SLIT3: variants seen among roughly 807,000 people sequenced by gnomAD.
The protein encoded by SLIT3 is slit homolog 3 protein.
A neutral mutation model predicts 184.0 loss-of-function variants in SLIT3; 68 were observed. The observed-to-expected ratio is 0.37, with a 90% confidence interval of 0.30 to 0.45. SLIT3 has a LOEUF of 0.45. Among genes scored for constraint, SLIT3 ranks in the 20% least tolerant of loss-of-function variants. The pLI is 1.00. For synonymous variants in SLIT3, 831 were observed against 828.6 expected, an observed-to-expected ratio of 1.00 and a Z score of -0.05; for missense variants, 1,707 against 2,026.0, an observed-to-expected ratio of 0.84 and a Z score of 3.02.
chr5:169,259,225 A>C (rs1766079626), intron 1 of SLIT3, among the ~76,000 whole-genome samples: 1 of 151,594 alleles, frequency 6.6e-6, no homozygotes, highest in Non-Finnish European at 1.5e-5. Flanking sequence ...CATCTGGCTA[A>C]TTTTTGTATT....
At chr5:168,803,537 G>A (rs1358531307) in intron 9 of SLIT3, among the ~76,000 whole-genome samples, 4 of 152,198 alleles carry the variant, frequency 2.6e-5, no homozygotes, top group Non-Finnish European at 4.4e-5. Flanking sequence ...TCTGTCTCCT[G>A]GAGAGCTGAG....
chr5:169,193,251 C>T (rs1343146216), intron 4 of SLIT3, among the ~76,000 whole-genome samples: 2 of 152,212 alleles, frequency 1.3e-5, no homozygotes. Flanking sequence ...CCACACATCA[C>T]TAGTCCTCAC....
At position 168,785,787 on chromosome 5, in the gene SLIT3, A is replaced by AT. The variant is rs1336383410; in HGVS notation, c.1151+119dup. 1.1e-5 allele frequency: 8 copies of AT among 737,046 alleles called. No homozygotes were observed. In the African/African-American group the frequency reaches 1.2e-4, roughly 11 times the overall value. 45.7% of individuals were successfully genotyped at this position (737,046 alleles called of 1,614,324 possible). A position where few individuals can be genotyped will look rare whatever the true frequency, so the allele number is the denominator to read the frequency against. On this transcript the variant is annotated intron_variant, in intron 12 of 35. Coordinates refer to ENST00000519560, the MANE Select transcript of SLIT3 (RefSeq NM_003062.4). ...GAGGTGAAGCGTGGACAGCTCAAAC[A>AT]TTTTTTTCTCTTTTGTCTGCAGAAA...
At chr5:169,073,232 T>G (rs556468416) in intron 4 of SLIT3, among the ~76,000 whole-genome samples, 1 of 152,228 alleles carries the variant, frequency 6.6e-6, no homozygotes, top group African/African-American at 2.4e-5. Context: ...CTCATGTACT[T>G]CCAGAGGCAT....
chr5:168,788,655 C>T (rs1362159201), intron 11 of SLIT3, among the ~76,000 whole-genome samples: 3 of 150,128 alleles, frequency 2.0e-5, no homozygotes, highest in East Asian at 2.0e-4. Context: ...GGGATACATC[C>T]GTGAACAAAA....
intron 5 of SLIT3, among the ~76,000 whole-genome samples, chr5:168,845,721 C>A (rs985744193): frequency 2.0e-5 from 3 of 151,944 alleles, no homozygotes; most frequent in African/African-American, 7.3e-5. Flanking sequence ...CATACATAAC[C>A]CACTTTATTC....
intron 4 of SLIT3, among the ~76,000 whole-genome samples, chr5:169,174,805 TCCCACCTGC>T (rs1444078106): frequency 1.3e-5 from 2 of 152,228 alleles, no homozygotes; most frequent in East Asian, 1.9e-4. Flanking sequence ...TCCTCACCTG[TCCCACCTGC>T]ATATTTCCAG....
intron 4 of SLIT3, among the ~76,000 whole-genome samples, chr5:169,050,225 G>A (rs1418086276): frequency 2.0e-5 from 3 of 152,152 alleles, no homozygotes; most frequent in East Asian, 3.8e-4. Flanking sequence ...AGAGTCACTC[G>A]ACAGTTAGGA....
At chr5:169,193,634 C>G in intron 3 of SLIT3, 84 bp from the exon 4 acceptor site, 2 of 988,222 alleles carry the variant, frequency 2.0e-6, no homozygotes, top group South Asian at 2.6e-5. Flanking sequence ...ATCAATCAGT[C>G]AATCAATCAA....
intron 6 of SLIT3, 128 bp from the exon 7 acceptor site, chr5:168,823,459 G>A: frequency 1.3e-6 from 1 of 763,722 alleles, no homozygotes; most frequent in Non-Finnish European, 2.4e-6. Flanking sequence ...GGCCCAGCCA[G>A]TGGAGCAGCT....
intron 32 of SLIT3, 131 bp downstream of exon 32, chr5:168,683,835 G>C (rs981422425): frequency 1.9e-5 from 15 of 793,918 alleles, no homozygotes; most frequent in Middle Eastern, 3.6e-4. Flanking sequence ...GTGTGTGTGC[G>C]CACATGTGCG....
rs1404135809 is a variant in SLIT3, at chr5:168,683,976, T to G, written c.3676A>C (p.Thr1226Pro). 2.5e-6 allele frequency: 4 copies of G among 1,582,620 alleles called. No homozygotes were observed. The highest frequency in any genetic ancestry group is 3.4e-6 in the Non-Finnish European group (4 of 1,162,606). The change falls in exon 32 of 36, where the codon ACA becomes CCA. Residue 1226 changes from threonine to proline, a missense_variant. By Grantham distance (38) the Thr-to-Pro change is conservative (BLOSUM62 -1). This residue lies in a region of SLIT3 where 387 missense variants were observed against 477.9 expected (regional missense o/e 0.81). Coordinates refer to ENST00000519560, the MANE Select transcript of SLIT3 (RefSeq NM_003062.4). ...VYDSLSSPPT[T>P]VYSVETVNDG... is the part of the protein sequence containing the mutation. ...GAGAGAGGCCCTTACCTGTACACTG[T>G]GGTTGGAGGGGAACTCAGGCTGTCA... is the stretch of plus-strand genomic sequence containing the variant.
intron 4 of SLIT3, among the ~76,000 whole-genome samples, chr5:168,981,722 C>A (rs1172334218): frequency 6.6e-6 from 1 of 152,214 alleles, no homozygotes; most frequent in Non-Finnish European, 1.5e-5. Flanking sequence ...TTCTAAAATA[C>A]AGCATCTGCT....
chr5:168,898,213 AT>A (rs1306841492), intron 4 of SLIT3, among the ~76,000 whole-genome samples: 3 of 152,166 alleles, frequency 2.0e-5, no homozygotes, highest in African/African-American at 7.2e-5. Flanking sequence ...TGCTTTATTA[AT>A]ATAAATATTC....
chr5:168,872,511 A>G (rs1301130516), intron 5 of SLIT3, among the ~76,000 whole-genome samples: 1 of 151,756 alleles, frequency 6.6e-6, no homozygotes, highest in Non-Finnish European at 1.5e-5. Context: ...GTATATGGAA[A>G]CTCTCTACAC....
intron 4 of SLIT3, among the ~76,000 whole-genome samples, chr5:169,085,784 C>T (rs1048533636): frequency 2.0e-5 from 3 of 152,170 alleles, no homozygotes; most frequent in Non-Finnish European, 2.9e-5. Flanking sequence ...TCCATGAGTT[C>T]GTGAAAATTC....
chr5:168,746,334 A>G (rs746784194), intron 20 of SLIT3, among the ~76,000 whole-genome samples: 25 of 62,278 alleles, frequency 4.0e-4, no homozygotes, highest in African/African-American at 1.5e-3. Flanking sequence ...GTGGTGTGTG[A>G]GTGTGGTGGT....
At chr5:168,866,151 G>T (rs965211247) in intron 5 of SLIT3, among the ~76,000 whole-genome samples, 1 of 149,832 alleles carries the variant, frequency 6.7e-6, no homozygotes, top group Non-Finnish European at 1.5e-5. Context: ...CAGCCTAGCC[G>T]GGGTCATGTT....
chr5:169,140,789 G>C (rs535049226), intron 4 of SLIT3, among the ~76,000 whole-genome samples: 6 of 152,288 alleles, frequency 3.9e-5, no homozygotes, highest in Admixed American at 3.9e-4. Flanking sequence ...CACAGAGTGA[G>C]AGACCCTCTC....
Sources: gnomAD v4.1 joint callset for allele counts (sites outside exome capture counted in the v4.1 genomes callset) on GRCh38, gnomAD v4.1.1 for gene constraint, gnomAD v4.1.1 regional missense constraint, MANE v1.5 for transcripts, NCBI Gene and HGNC (gene_info 2026-07-23, HGNC 2026-07-21) for gene names.